The following WASF1 variants were observed in gnomAD, a reference collection of about 807,000 sequenced individuals.
WASF1 encodes the protein WASP family member 1.
In WASF1, 7 loss-of-function variants were observed where a neutral mutation model predicts 50.5. The ratio of observed to expected loss-of-function variants is 0.14; its 90% CI spans 0.08 to 0.26. The LOEUF (loss-of-function observed/expected upper bound fraction) is 0.26. Ranked by LOEUF, WASF1 falls within the 10% of genes least tolerant of loss-of-function variation. WASF1 has a pLI of 1.00. For synonymous variants in WASF1, 205 were observed against 244.0 expected, an observed-to-expected ratio of 0.84 and a Z score of 1.49; for missense variants, 470 against 694.7, an observed-to-expected ratio of 0.68 and a Z score of 3.64.
At chr6:110,170,640 G>A (rs1163519749) in intron 2 of WASF1, among the ~76,000 whole-genome samples, 1 of 151,418 alleles carries the variant, frequency 6.6e-6, no homozygotes, top group Non-Finnish European at 1.5e-5. Flanking sequence ...GTCTAAATAT[G>A]CCAATTAAAA....
chr6:110,126,018 T>G (rs1021105080), intron 4 of WASF1, among the ~76,000 whole-genome samples: 2 of 152,194 alleles, frequency 1.3e-5, no homozygotes, highest in Non-Finnish European at 2.9e-5. Context: ...ATAAGATGCC[T>G]GTACTGGATC....
chr6:110,105,680 G>T (rs1773293233), intron 7 of WASF1, 101 bp from the exon 8 acceptor site: 2 of 1,104,482 alleles, frequency 1.8e-6, no homozygotes, highest in Middle Eastern at 2.1e-4. Context: ...CACTGAAAAA[G>T]ACAATGTCAT....
intron 4 of WASF1, 74 bp downstream of exon 4, chr6:110,127,395 G>A (rs994110000): frequency 2.3e-6 from 3 of 1,291,700 alleles, no homozygotes; most frequent in African/African-American, 3.1e-5. Flanking sequence ...AAATTAATCA[G>A]AAGCACAACT....
Position 110,101,738 on chromosome 6 carries a change from T to C in WASF1, c.1372A>G (p.Thr458Ala), listed in dbSNP as rs1248706037. The change falls in exon 10 of 11, where the codon ACT becomes GCT. Residue 458 changes from threonine (T) to alanine (A), a missense_variant. Coordinates refer to ENST00000392589, the MANE Select transcript of WASF1 (RefSeq NM_003931.3). Reference protein sequence around the residue: ...LAHPPSGLHPTPSTAPGPHVP... With the variant: ...LAHPPSGLHPAPSTAPGPHVP... ...TGGGGACCTGGGGCAGTAGATGGAG[T>C]TGGATGTAGCCCAGAGGGAGGATGA... 3.7e-6 allele frequency: 6 copies of C among 1,613,166 alleles called. No individual in the cohort carries two copies. The highest frequency in any genetic ancestry group is 5.1e-6 in the Non-Finnish European group (6 of 1,179,790).
chr6:110,164,616 AT>A (rs1353705325), intron 2 of WASF1, among the ~76,000 whole-genome samples: 1 of 151,708 alleles, frequency 6.6e-6, no homozygotes, highest in Non-Finnish European at 1.5e-5. Context: ...GCTATTGAGA[AT>A]GCATAATTGG....
At chr6:110,151,462 C>T (rs1045475247) in intron 3 of WASF1, among the ~76,000 whole-genome samples, 1 of 152,096 alleles carries the variant, frequency 6.6e-6, no homozygotes, top group Non-Finnish European at 1.5e-5. Flanking sequence ...ATAAAAGCAT[C>T]CTACATGTTA....
intron 4 of WASF1, among the ~76,000 whole-genome samples, chr6:110,117,163 T>C (rs1337763627): frequency 1.3e-5 from 2 of 152,054 alleles, no homozygotes; most frequent in Non-Finnish European, 2.9e-5. Flanking sequence ...GAAAATGAGT[T>C]TGATGAGTTG....
At chr6:110,133,069 T>C (rs1774766923) in intron 3 of WASF1, among the ~76,000 whole-genome samples, 1 of 151,732 alleles carries the variant, frequency 6.6e-6, no homozygotes, top group African/African-American at 2.4e-5. Flanking sequence ...ACTATGACTG[T>C]ATGTAAGGTA....
chr6:110,115,117 A>C (rs953579184), intron 4 of WASF1, among the ~76,000 whole-genome samples: 6 of 151,906 alleles, frequency 3.9e-5, no homozygotes, highest in East Asian at 1.9e-4. Context: ...AGAAAAAAAA[A>C]AAAACAAAAC....
intron 3 of WASF1, among the ~76,000 whole-genome samples, chr6:110,158,300 G>A (rs1383997833): frequency 2.4e-5 from 2 of 83,218 alleles, no homozygotes; most frequent in African/African-American, 5.5e-5. Flanking sequence ...TGTATGTGTC[G>A]AGGAATGTAT....
In WASF1 at chr6:110,150,473, CA is replaced by C. The variant is rs149187187; in HGVS notation, c.-29+10161del. ...AAAACGAAGTAAATAATTTAAAAAT[CA>C]GTTCCTCAGTCACACTAGCCACATT... is the stretch of plus-strand genomic sequence containing the variant. On this transcript the variant is annotated intron_variant, in intron 3 of 10. Coordinates refer to ENST00000392589, the MANE Select transcript of WASF1 (RefSeq NM_003931.3). 7.3e-3 allele frequency among the ~76,000 whole-genome samples: 1,111 copies of C among 152,296 alleles called. 8 individuals carry two copies. The highest frequency in any genetic ancestry group is 0.017 in the Middle Eastern group (5 of 294).
chr6:110,141,601 C>G (rs1304525920), intron 3 of WASF1, among the ~76,000 whole-genome samples: 1 of 151,986 alleles, frequency 6.6e-6, no homozygotes, highest in Admixed American at 6.6e-5. Flanking sequence ...TTTTAGAAGG[C>G]AAAAATCTTG....
intron 2 of WASF1, among the ~76,000 whole-genome samples, chr6:110,165,902 A>G (rs1293336867): frequency 6.6e-6 from 1 of 151,728 alleles, no homozygotes; most frequent in East Asian, 1.9e-4. Flanking sequence ...GCACCCTTCT[A>G]GCTCCCTTTA....
In WASF1 at chr6:110,108,574, C is replaced by T. The variant is rs1366275980; in HGVS notation, c.376G>A (p.Asp126Asn). ...TLPIPLQETY[D>N]VCEQPPPLNI... ...AGAGGTGGAGGCTGTTCACAAACAT[C>T]GTACGTCTCCTGTAATGGAATAGGC... Residue 126 changes from aspartate to asparagine, a missense_variant, in exon 6 of 11, where the codon GAT becomes AAT. Asp to Asn is a conservative substitution (Grantham distance 23, BLOSUM62 1). Around this residue, in one of 3 missense-constraint regions of WASF1, gnomAD observed 140 missense variants for 260.5 expected, o/e 0.54. Coordinates refer to ENST00000392589, the MANE Select transcript of WASF1 (RefSeq NM_003931.3). 5.6e-6 allele frequency: 9 copies of T among 1,613,876 alleles called. No homozygotes were observed. The highest frequency in any genetic ancestry group is 2.2e-5 in the East Asian group (1 of 44,870).
chr6:110,124,996 C>T (rs962528727), intron 4 of WASF1, among the ~76,000 whole-genome samples: 5 of 152,172 alleles, frequency 3.3e-5, no homozygotes, highest in African/African-American at 1.2e-4. Context: ...CTGCAGTTTA[C>T]TTTCATTGCT....
chr6:110,107,387 G>A (rs1467931142), intron 6 of WASF1, among the ~76,000 whole-genome samples, 193 bp from the exon 7 acceptor site: 1 of 152,176 alleles, frequency 6.6e-6, no homozygotes, highest in Non-Finnish European at 1.5e-5. Context: ...AAGTGGTAAA[G>A]CAGATGCTTT....
At chr6:110,150,526 A>G (rs2114578951) in intron 3 of WASF1, among the ~76,000 whole-genome samples, 1 of 152,364 alleles carries the variant, frequency 6.6e-6, no homozygotes, top group East Asian at 1.9e-4. Flanking sequence ...CATACTGGAC[A>G]GGGTAGTTAC....
At chr6:110,117,290 T>C (rs1422378816) in intron 4 of WASF1, among the ~76,000 whole-genome samples, 1 of 152,138 alleles carries the variant, frequency 6.6e-6, no homozygotes, top group Non-Finnish European at 1.5e-5. Context: ...AATGGCTAAC[T>C]AGAATAAAAT....
chr6:110,139,130 C>T (rs1330694296), intron 3 of WASF1, among the ~76,000 whole-genome samples: 1 of 152,252 alleles, frequency 6.6e-6, no homozygotes, highest in South Asian at 2.1e-4. Context: ...CACACACACA[C>T]CTGGCCAGCT....
Sources: gnomAD v4.1 joint callset for allele counts (sites outside exome capture counted in the v4.1 genomes callset) on GRCh38, gnomAD v4.1.1 for gene constraint, gnomAD v4.1.1 regional missense constraint, MANE v1.5 for transcripts, NCBI Gene and HGNC (gene_info 2026-07-23, HGNC 2026-07-21) for gene names.